Variants in AGO3 observed in about 807,000 individuals in gnomAD.
AGO3 encodes the protein protein argonaute-3.
In AGO3, 16 loss-of-function variants were observed where a neutral mutation model predicts 105.5. The ratio of observed to expected loss-of-function variants is 0.15; its 90% CI spans 0.10 to 0.23. The LOEUF is 0.23. Ranked by LOEUF, AGO3 falls within the 10% of genes least tolerant of loss-of-function variation. The pLI is 1.00. For synonymous variants in AGO3, 340 were observed against 367.3 expected, an observed-to-expected ratio of 0.93 and a Z score of 0.85; for missense variants, 534 against 1,088.0, an observed-to-expected ratio of 0.49 and a Z score of 7.16.
chr1:36,038,667 T>C (rs1642120811), intron 14 of AGO3, among the ~76,000 whole-genome samples: 1 of 152,194 alleles, frequency 6.6e-6, no homozygotes, highest in Non-Finnish European at 1.5e-5. Flanking sequence ...CTGGAGGCAG[T>C]GACCAGCTCT....
At chr1:35,993,360 G>C (rs903970314) in intron 5 of AGO3, among the ~76,000 whole-genome samples, 3 of 151,994 alleles carry the variant, frequency 2.0e-5, no homozygotes, top group Non-Finnish European at 4.4e-5. Context: ...AAATAAGTAG[G>C]ATTAATAAAC....
chr1:35,940,413 G>T (rs1206149361), intron 1 of AGO3, among the ~76,000 whole-genome samples: 3 of 152,202 alleles, frequency 2.0e-5, no homozygotes, highest in Non-Finnish European at 4.4e-5. Flanking sequence ...TACACATTGT[G>T]ATTGATCGAT....
chr1:36,013,571 A>G (rs1640729123), intron 9 of AGO3, 59 bp from the exon 10 acceptor site: 1 of 1,604,626 alleles, frequency 6.2e-7, no homozygotes, highest in Non-Finnish European at 8.5e-7. Flanking sequence ...GTTCTAATGC[A>G]TTAAAGTAGG....
intron 12 of AGO3, among the ~76,000 whole-genome samples, chr1:36,032,468 A>G (rs1272157409): frequency 6.6e-6 from 1 of 151,968 alleles, no homozygotes; most frequent in Non-Finnish European, 1.5e-5. Context: ...TGCAGCCTCC[A>G]TCTCCTAGGC....
intron 17 of AGO3, among the ~76,000 whole-genome samples, chr1:36,048,206 C>G (rs1387187008): frequency 1.3e-5 from 2 of 151,870 alleles, no homozygotes; most frequent in East Asian, 3.9e-4. Context: ...ATCATGTGAG[C>G]TCAGGAGGCA....
chr1:36,012,108 G>A (rs1373160463), intron 9 of AGO3, among the ~76,000 whole-genome samples: 1 of 152,050 alleles, frequency 6.6e-6, no homozygotes, highest in African/African-American at 2.4e-5. Flanking sequence ...GCCGAGGCAG[G>A]ACTATCAGTT....
intron 1 of AGO3, among the ~76,000 whole-genome samples, chr1:35,942,198 T>G (rs1408884338): frequency 6.6e-6 from 1 of 152,128 alleles, no homozygotes; most frequent in Non-Finnish European, 1.5e-5. Context: ...CATTTTAGTC[T>G]CTTTTCATCT....
Position 36,070,102 on chromosome 1 carries a change from T to A in AGO3, c.*14357T>A, listed in dbSNP as rs1314571958. 1 of 152,134 alleles carries A rather than the reference T, an allele frequency of 6.6e-6. No individual in the cohort carries two copies. Among genetic ancestry groups the A allele is most frequent in the East Asian group, 1.9e-4 (1 of 5,206 alleles). 9.4% of individuals were successfully genotyped at this position (152,134 alleles called of 1,614,324 possible). ...TAATAAAATACAAATACTTAGAAATTAACTTCGCCTTTGCCTTCAGGCACT... is the reference window on the plus strand; with the variant it reads ...TAATAAAATACAAATACTTAGAAATAAACTTCGCCTTTGCCTTCAGGCACT... On this transcript the variant is annotated 3_prime_UTR_variant, in exon 19 of 19. Coordinates refer to ENST00000373191, the MANE Select transcript of AGO3 (RefSeq NM_024852.4).
Position 36,011,711 on chromosome 1 carries a change from A to G in AGO3, c.1150-1919A>G, listed in dbSNP as rs149771825. Among the ~76,000 whole-genome samples, 13 of 152,368 alleles carry G rather than the reference A, an allele frequency of 8.5e-5. No individual in the cohort carries two copies. The East Asian group carries it at 2.3e-3, about 27-fold the overall frequency. On this transcript the variant is annotated intron_variant, in intron 9 of 18. Transcript: ENST00000373191. ...TTTATAGTATCTGGAAAGATAATGC[A>G]GTGATTAAGAGTAGACACTCTAGAA...
intron 11 of AGO3, among the ~76,000 whole-genome samples, chr1:36,021,348 A>G (rs542062609): frequency 2.0e-5 from 3 of 152,304 alleles, no homozygotes; most frequent in African/African-American, 4.8e-5. Flanking sequence ...TAAAGACACA[A>G]TTGAGAAGGA....
rs138861106 is a variant in AGO3 at position 36,007,283 on chromosome 1, T to A, written c.794-1407T>A. On this transcript the variant is annotated intron_variant, in intron 6 of 18. Coordinates refer to ENST00000373191, the MANE Select transcript of AGO3 (RefSeq NM_024852.4). ...TCCATCTACCCCATTTTGGACTTTA[T>A]CCCTTGGAGTCTAGGCCAAACTTTA... 4.8e-4 allele frequency among the ~76,000 whole-genome samples: 73 copies of A among 152,360 alleles called. 1 individual carries two copies. The highest frequency in any genetic ancestry group is 1.7e-3 in the African/African-American group (72 of 41,582).
chr1:36,055,586 T>C lies in AGO3; in HGVS notation c.2475-51T>C. On this transcript the variant is annotated intron_variant, in intron 18 of 18. Transcript: ENST00000373191. This position sits in a 1 kb window ranked among gnomAD's most constrained non-coding sequence, Gnocchi z 4.4. Reference sequence around the variant, plus strand: ...AACAAATAGTATTTTTCGGAATTATTACATCAGAATAGAAAGTTTGTTTTT... The same window carrying C: ...AACAAATAGTATTTTTCGGAATTATCACATCAGAATAGAAAGTTTGTTTTT... 6.6e-7 allele frequency: 1 copy of C among 1,522,578 alleles called. No homozygotes were observed. The highest frequency in any genetic ancestry group is 9.1e-7 in the Non-Finnish European group (1 of 1,101,890). The allele number at this position is 1,522,578 out of a possible 1,614,324, so 94.3% of individuals were successfully genotyped here.
intron 1 of AGO3, among the ~76,000 whole-genome samples, chr1:35,936,599 G>A (rs1431814699): frequency 6.6e-6 from 1 of 152,160 alleles, no homozygotes; most frequent in African/African-American, 2.4e-5. Flanking sequence ...TGGGATTACA[G>A]GCATGAGCCA....
chr1:35,951,046 TC>T (rs1158594907), intron 2 of AGO3, among the ~76,000 whole-genome samples: 1 of 152,100 alleles, frequency 6.6e-6, no homozygotes, highest in African/African-American at 2.4e-5. Context: ...AACCTCCGCC[TC>T]CTGGGTTCAA....
At chr1:35,971,453 CT>C (rs1445535667) in intron 3 of AGO3, among the ~76,000 whole-genome samples, 2 of 151,602 alleles carry the variant, frequency 1.3e-5, no homozygotes, top group Non-Finnish European at 2.9e-5. Flanking sequence ...GCCACTGCGC[CT>C]GGCCTTTTTT....
rs184172863 is a variant in AGO3, at chr1:35,941,173, G to A, written c.20-4519G>A. ...ACACTTCTGTTCTTTCAGTTGTACA[G>A]ACCAAAAAACCTTGAGAATGTTTCT... On this transcript the variant is annotated intron_variant, in intron 1 of 18. Transcript: ENST00000373191. Among the ~76,000 whole-genome samples the A allele has an allele frequency of 5.9e-5, 9 of 152,140 alleles. No homozygotes were observed. In the East Asian group the frequency reaches 1.7e-3, roughly 29 times the overall value.
chr1:36,028,041 G>A (rs1426463764), intron 12 of AGO3, among the ~76,000 whole-genome samples: 1 of 151,808 alleles, frequency 6.6e-6, no homozygotes, highest in Non-Finnish European at 1.5e-5. Flanking sequence ...ATTTATGTAT[G>A]TATGTGGTGT....
At chr1:35,964,153 AT>A (rs1646731176) in intron 2 of AGO3, among the ~76,000 whole-genome samples, 2 of 152,134 alleles carry the variant, frequency 1.3e-5, no homozygotes, top group Non-Finnish European at 2.9e-5. Context: ...ATATATATGT[AT>A]TTAAGTTCAG....
chr1:36,013,705 G>A lies in AGO3; in HGVS notation c.1225G>A (p.Val409Ile). The A allele has an allele frequency of 6.2e-7, 1 of 1,614,216 alleles. No individual in the cohort carries two copies. The highest frequency in any genetic ancestry group is 1.1e-5 in the South Asian group (1 of 91,088). Residue 409 changes from valine (V) to isoleucine (I), a missense_variant, in exon 10 of 19, where the codon GTA (valine) becomes ATA (isoleucine). Val to Ile is a conservative substitution (Grantham distance 29). Transcript: ENST00000373191. Reference protein sequence around the residue: ...QFKVRDEMAHVTGRVLPAPML... With the variant: ...QFKVRDEMAHITGRVLPAPML... ...TAAAGTTCGGGATGAAATGGCTCAT[G>A]TAACTGGACGCGTACTTCCAGCACC...
Sources: allele counts gnomAD v4.1 joint callset (sites outside exome capture counted in the v4.1 genomes callset), GRCh38; gene constraint gnomAD v4.1.1; non-coding constraint Gnocchi (gnomAD v3.1); transcripts MANE v1.5; gene names NCBI Gene and HGNC (gene_info 2026-07-23, HGNC 2026-07-21).